Variants in AKAP7 observed in about 807,000 individuals in gnomAD.
The protein encoded by AKAP7 is A kinase (PRKA) anchor protein 7.
Under a neutral mutation model 39.5 loss-of-function variants are expected in AKAP7, and 39 were observed. That is an observed-to-expected ratio of 0.99 (90% CI 0.76 to 1.29). The LOEUF is 1.29. Among genes scored for constraint, AKAP7 ranks in the 50% most tolerant of loss-of-function variants. The pLI is 0.00. For synonymous variants in AKAP7, 140 were observed against 139.1 expected (o/e 1.01, Z -0.05); for missense variants, 414 against 407.7 (o/e 1.02, Z -0.13).
At chr6:131,198,471 C>T (rs1217976363) in intron 5 of AKAP7, among the ~76,000 whole-genome samples, 1 of 152,096 alleles carries the variant, frequency 6.6e-6, no homozygotes, top group Non-Finnish European at 1.5e-5. Flanking sequence ...AATTAAGTTA[C>T]TTGGAAATAG....
intron 2 of AKAP7, among the ~76,000 whole-genome samples, chr6:131,156,456 A>T (rs1316192791): frequency 6.6e-6 from 1 of 151,920 alleles, no homozygotes. Context: ...TGGGCAACAT[A>T]GTGAGACCCC....
chr6:131,172,990 T>C (rs941811242), intron 5 of AKAP7, among the ~76,000 whole-genome samples: 2 of 151,470 alleles, frequency 1.3e-5, no homozygotes, highest in East Asian at 3.9e-4. Flanking sequence ...AGGTCAGGAG[T>C]GGCCAGTACT....
intron 7 of AKAP7, among the ~76,000 whole-genome samples, chr6:131,236,971 C>T (rs1030032649): frequency 2.0e-5 from 3 of 152,064 alleles, no homozygotes; most frequent in African/African-American, 7.2e-5. Flanking sequence ...AGAGGGCATC[C>T]CTGTCTTGTG....
At chr6:131,213,630 G>A (rs980519551) in intron 6 of AKAP7, among the ~76,000 whole-genome samples, 13 of 152,148 alleles carry the variant, frequency 8.5e-5, no homozygotes, top group African/African-American at 1.7e-4. Context: ...AGCTGAGACT[G>A]AGCATATAGG....
intron 1 of AKAP7, among the ~76,000 whole-genome samples, chr6:131,145,077 A>G (rs1035041162): frequency 7.2e-5 from 11 of 152,168 alleles, no homozygotes; most frequent in Non-Finnish European, 1.6e-4. Flanking sequence ...TTAGAAAATG[A>G]TTAAAGCTTT....
Position 131,145,294 on chromosome 6 carries a change from A to C in AKAP7, c.29A>C (p.Asn10Thr), listed in dbSNP as rs879231216. MERPEAGGI[N>T]SNECENVSRK... ...TTGTGATATGTTAAAGGAGGAATTA[A>C]TTCCAATGAGTGTGAAAATGTATCA... The change falls in exon 2 of 8, where the codon AAT (asparagine) becomes ACT (threonine). Residue 10 changes from asparagine to threonine, a missense_variant. Transcript: ENST00000431975. 6.6e-7 allele frequency: 1 copy of C among 1,511,896 alleles called. No homozygotes were observed. The allele number at this position is 1,511,896 out of a possible 1,614,324, so 93.7% of individuals were successfully genotyped here.
At chr6:131,208,274 G>A (rs1808319975) in intron 6 of AKAP7, among the ~76,000 whole-genome samples, 1 of 152,086 alleles carries the variant, frequency 6.6e-6, no homozygotes, top group African/African-American at 2.4e-5. Context: ...GTTTACAATT[G>A]TTTAACAATT....
At chr6:131,266,314 G>A (rs1021199323) in intron 7 of AKAP7, among the ~76,000 whole-genome samples, 2 of 152,192 alleles carry the variant, frequency 1.3e-5, no homozygotes, top group Non-Finnish European at 2.9e-5. Flanking sequence ...TCCCCACAGA[G>A]AACTGAAATT....
chr6:131,277,559 A>G (rs1290904524), intron 7 of AKAP7, among the ~76,000 whole-genome samples: 1 of 152,232 alleles, frequency 6.6e-6, no homozygotes, highest in Admixed American at 6.5e-5. Context: ...TGAGAGACAG[A>G]TACTTGTCAG....
At chr6:131,186,411 A>T (rs965364012) in intron 5 of AKAP7, among the ~76,000 whole-genome samples, 5 of 152,146 alleles carry the variant, frequency 3.3e-5, no homozygotes, top group Non-Finnish European at 7.3e-5. Flanking sequence ...TTTTCTTATA[A>T]GTTATCCAGT....
chr6:131,130,297 G>A, the AKAP7 span, among the ~76,000 whole-genome samples: 1 of 152,076 alleles, frequency 6.6e-6, no homozygotes, highest in South Asian at 2.1e-4. Context: ...TGTGTAGGGA[G>A]AAGTTGTTCT....
At chr6:131,243,641 C>T (rs769290121) in intron 7 of AKAP7, among the ~76,000 whole-genome samples, 18 of 151,842 alleles carry the variant, frequency 1.2e-4, no homozygotes, top group Non-Finnish European at 1.8e-4. Context: ...CTTGACATAC[C>T]AGGAAATGTG....
At chr6:131,161,977 A>T (rs536030467) in intron 3 of AKAP7, among the ~76,000 whole-genome samples, 1 of 152,206 alleles carries the variant, frequency 6.6e-6, no homozygotes, top group Admixed American at 6.5e-5. Context: ...GATTTGACAG[A>T]TGTTCGATGA....
chr6:131,132,341 GGTATTAATTT>G (rs1219764105), upstream of AKAP7, among the ~76,000 whole-genome samples: 3 of 151,748 alleles, frequency 2.0e-5, no homozygotes, highest in Admixed American at 1.3e-4. Context: ...TGAATTCATA[GGTATTAATTT>G]GTTTTATGAA....
At chr6:131,249,950 C>T (rs1039200505) in intron 7 of AKAP7, among the ~76,000 whole-genome samples, 9 of 152,128 alleles carry the variant, frequency 5.9e-5, no homozygotes, top group African/African-American at 1.7e-4. Flanking sequence ...AGTCGATAGC[C>T]TCTTTCCCCA....
intron 5 of AKAP7, among the ~76,000 whole-genome samples, chr6:131,181,260 C>T (rs574447987): frequency 1.4e-3 from 206 of 152,208 alleles, no homozygotes; most frequent in African/African-American, 4.7e-3. Flanking sequence ...TTGTATTTAC[C>T]ATCATGGTCA....
intron 6 of AKAP7, among the ~76,000 whole-genome samples, chr6:131,216,548 G>C (rs553574088): frequency 2.6e-5 from 4 of 152,332 alleles, no homozygotes; most frequent in African/African-American, 9.6e-5. Flanking sequence ...AGGTTATCAA[G>C]TGTATTTGAA....
chr6:131,142,464 G>A (rs1394215694), intron 1 of AKAP7, among the ~76,000 whole-genome samples: 2 of 152,208 alleles, frequency 1.3e-5, no homozygotes, highest in Admixed American at 6.5e-5. Flanking sequence ...AGCCTTGGGG[G>A]CTTCCATGTG....
At chr6:131,188,724 T>C (rs1806116053) in intron 5 of AKAP7, among the ~76,000 whole-genome samples, 1 of 151,530 alleles carries the variant, frequency 6.6e-6, no homozygotes, top group South Asian at 2.1e-4. Flanking sequence ...CTTCTTTTTT[T>C]TTTTTTTTTG....
Sources: gnomAD v4.1 joint callset for allele counts (sites outside exome capture counted in the v4.1 genomes callset) on GRCh38, gnomAD v4.1.1 for gene constraint, MANE v1.5 for transcripts, NCBI Gene and HGNC (gene_info 2026-07-23, HGNC 2026-07-21) for gene names.